The following CCDC80 variants were observed in gnomAD, a reference collection of about 807,000 sequenced individuals.
The protein encoded by CCDC80 is coiled-coil domain containing 80.
CCDC80 carries 49 observed loss-of-function variants against 78.7 expected under a neutral mutation model. The observed-to-expected ratio is 0.62, with a 90% CI of 0.50 to 0.79. The LOEUF (loss-of-function observed/expected upper bound fraction) is 0.79. Among genes scored for constraint, CCDC80 ranks in the 30% least tolerant of loss-of-function variants. CCDC80 has a pLI of 0.00. For synonymous variants in CCDC80, 488 were observed against 447.0 expected, an observed-to-expected ratio of 1.09 and a Z score of -1.16; for missense variants, 1,205 against 1,198.6, an observed-to-expected ratio of 1.01 and a Z score of -0.08.
intron 4 of CCDC80, among the ~76,000 whole-genome samples, chr3:112,617,390 G>A (rs1385515114): frequency 6.6e-6 from 1 of 152,198 alleles, no homozygotes; most frequent in Admixed American, 6.5e-5. Context: ...CCAACTTAAA[G>A]ACAATGAAAT....
Position 112,638,905 on chromosome 3 carries a change from A to G in CCDC80, c.1001T>C (p.Leu334Pro), listed in dbSNP as rs1376493388. 3 of 1,613,128 alleles carry G rather than the reference A, an allele frequency of 1.9e-6. No homozygotes were observed. Among genetic ancestry groups the G allele is most frequent in the Non-Finnish European group, 1.7e-6 (2 of 1,179,864 alleles). ...GGGCAAAGCTGGTGCAGTGGCGGCC[A>G]GTTTTCTCAGGACCTTCACCCGACT... ...RESRVKVLRK[L>P]AATAPALPQP... The change falls in exon 2 of 8, where the codon CTG (leucine) becomes CCG (proline). Residue 334 changes from leucine (L) to proline (P), a missense_variant. Leu to Pro is a moderately conservative substitution (Grantham distance 98). Coordinates refer to ENST00000206423, the MANE Select transcript of CCDC80 (RefSeq NM_199511.3).
At chr3:112,627,932 A>C (rs1423407417) in intron 3 of CCDC80, among the ~76,000 whole-genome samples, 1 of 152,072 alleles carries the variant, frequency 6.6e-6, no homozygotes, top group East Asian at 1.9e-4. Context: ...TCTAGAAAAC[A>C]GTAGGATTAT....
At chr3:112,623,506 C>G (rs1414574344) in intron 3 of CCDC80, among the ~76,000 whole-genome samples, 1 of 152,148 alleles carries the variant, frequency 6.6e-6, no homozygotes, top group Non-Finnish European at 1.5e-5. Flanking sequence ...AAGTACGATC[C>G]ACTATCCACC....
chr3:112,617,451 G>A (rs1476406311), intron 4 of CCDC80, among the ~76,000 whole-genome samples: 1 of 152,232 alleles, frequency 6.6e-6, no homozygotes, highest in Non-Finnish European at 1.5e-5. Context: ...ACCTGAGATG[G>A]ATTTAGGGGC....
intron 2 of CCDC80, among the ~76,000 whole-genome samples, chr3:112,635,013 T>C (rs1258965032): frequency 6.6e-6 from 1 of 152,192 alleles, no homozygotes; most frequent in Non-Finnish European, 1.5e-5. Flanking sequence ...TGTGCCCTTC[T>C]TCGTCAACAG....
rs763912669 is a variant in CCDC80 at position 112,637,285 on chromosome 3, G to A, written c.1878+743C>T. 7.6e-4 allele frequency among the ~76,000 whole-genome samples: 115 copies of A among 152,166 alleles called. 3 individuals carry two copies. Among genetic ancestry groups the A allele is most frequent in the Non-Finnish European group, 2.2e-4 (15 of 68,026 alleles). On this transcript the variant is annotated intron_variant, in intron 2 of 7. Transcript: ENST00000206423. ...AATTCAGGTGTATCTCTAGAGTACCGGAAATTGAAGCAATTAACCCAGTTC... is the reference window on the plus strand; with the variant it reads ...AATTCAGGTGTATCTCTAGAGTACCAGAAATTGAAGCAATTAACCCAGTTC...
In CCDC80 at chr3:112,614,579, C is replaced by A. The variant is rs114395682; in HGVS notation, c.2321+2131G>T. On this transcript the variant is annotated intron_variant, in intron 5 of 7. Coordinates refer to ENST00000206423, the MANE Select transcript of CCDC80 (RefSeq NM_199511.3). ...CCTTTCTCAGTGGAGGCTGCCCCTA[C>A]GGCTGAGTTGATTTTAAGTCCTTAT... is the stretch of plus-strand genomic sequence containing the variant. Among the ~76,000 whole-genome samples the A allele has an allele frequency of 3.5e-3, 524 of 151,652 alleles. 7 individuals are homozygous for A. The highest frequency in any genetic ancestry group is 0.012 in the African/African-American group (481 of 41,376).
chr3:112,638,084 G>A lies in CCDC80; in HGVS notation c.1822C>T (p.Pro608Ser), dbSNP rs746347134. 3.1e-6 allele frequency: 5 copies of A among 1,613,340 alleles called. No individual in the cohort carries two copies. ...AGCAGGTCGGCCACTGACTTCTTGG[G>A]ACTCTGCGTGAAGTGTTTGTTGGTG... ...KPTNKHFTQS[P>S]KKSVADLLGS... The change falls in exon 2 of 8, where the codon CCC becomes TCC. Residue 608 changes from proline to serine, a missense_variant. Coordinates refer to ENST00000206423, the MANE Select transcript of CCDC80 (RefSeq NM_199511.3).
At chr3:112,633,396 C>T (rs1355416251) in intron 2 of CCDC80, among the ~76,000 whole-genome samples, 1 of 152,176 alleles carries the variant, frequency 6.6e-6, no homozygotes, top group African/African-American at 2.4e-5. Flanking sequence ...ATCACTTCCT[C>T]CTTTTAATTA....
Position 112,602,849 on chromosome 3 carries a change from T to G in CCDC80, c.*2568A>C, listed in dbSNP as rs1935398508. 6.6e-6 allele frequency: 1 copy of G among 151,982 alleles called. No individual in the cohort carries two copies. Among genetic ancestry groups the G allele is most frequent in the African/African-American group, 2.4e-5 (1 of 41,414 alleles). 9.4% of individuals were successfully genotyped at this position (151,982 alleles called of 1,614,324 possible). Reference sequence around the variant, plus strand: ...GCAGTAAGTTATCCAGAAGATCTAGTTAAGATAATTAATGAAAGTGGCTAC... The same window carrying G: ...GCAGTAAGTTATCCAGAAGATCTAGGTAAGATAATTAATGAAAGTGGCTAC... On this transcript the variant is annotated 3_prime_UTR_variant, in exon 8 of 8. Coordinates refer to ENST00000206423, the MANE Select transcript of CCDC80 (RefSeq NM_199511.3).
Position 112,616,704 on chromosome 3 carries a change from A to T in CCDC80, c.2321+6T>A. The T allele has an allele frequency of 6.2e-7, 1 of 1,614,032 alleles. No individual in the cohort carries two copies. Among genetic ancestry groups the T allele is most frequent in the Non-Finnish European group, 8.5e-7 (1 of 1,179,940 alleles). ...TTCCTCTTTAGCGACTCCAAAGGTG[A>T]TGTACCTGGATAGGAAGTTCTCCAG... On this transcript the variant is annotated splice_donor_region_variant and intron_variant, in intron 5 of 7. Coordinates refer to ENST00000206423, the MANE Select transcript of CCDC80 (RefSeq NM_199511.3).
rs1936133071 is a variant in CCDC80 at position 112,633,217 on chromosome 3, C to T, written c.1879-2948G>A. On this transcript the variant is annotated intron_variant, in intron 2 of 7. Transcript: ENST00000206423. Reference sequence around the variant, plus strand: ...TTATTCTTAATAAATAAATATGTGTCCCCCAAGCACATACAGGTATGTCAC... The same window carrying T: ...TTATTCTTAATAAATAAATATGTGTTCCCCAAGCACATACAGGTATGTCAC... Among the ~76,000 whole-genome samples the T allele has an allele frequency of 1.3e-5, 2 of 152,044 alleles. 1 individual carries two copies. Among genetic ancestry groups the T allele is most frequent in the South Asian group, 4.1e-4 (2 of 4,828 alleles).
At chr3:112,630,077 G>C in intron 3 of CCDC80, 36 bp downstream of exon 3, 1 of 1,597,312 alleles carries the variant, frequency 6.3e-7, no homozygotes, top group Non-Finnish European at 8.6e-7. Flanking sequence ...TTAGATATGA[G>C]AAAAACAATA....
chr3:112,608,944 A>C (rs915674004), intron 6 of CCDC80, among the ~76,000 whole-genome samples: 4 of 152,122 alleles, frequency 2.6e-5, no homozygotes, highest in African/African-American at 7.2e-5. Flanking sequence ...TACAAAACTT[A>C]CCCTCCTCCC....
intron 7 of CCDC80, among the ~76,000 whole-genome samples, chr3:112,606,502 C>A (rs1025215109): frequency 6.6e-6 from 1 of 151,348 alleles, no homozygotes; most frequent in African/African-American, 2.4e-5. Flanking sequence ...CTCGGCTCAC[C>A]GCAATCTCCA....
At chr3:112,613,416 C>T (rs1176041771) in intron 5 of CCDC80, among the ~76,000 whole-genome samples, 1 of 152,010 alleles carries the variant, frequency 6.6e-6, no homozygotes, top group East Asian at 1.9e-4. Flanking sequence ...AAAACTCTTA[C>T]ATTAGGTGGA....
rs1935346153 is a variant in CCDC80 at position 112,599,959 on chromosome 3, A to G, written c.*5458T>C. On this transcript the variant is annotated 3_prime_UTR_variant, in exon 8 of 8. Transcript: ENST00000206423. ...CTACAGAATGCTTTTCTTTTTAAAT[A>G]CCATAATCCCATAATCTTTCTCAAA... 6 of 152,328 alleles carry G rather than the reference A, an allele frequency of 3.9e-5. 1 individual carries two copies. The South Asian group carries it at 1.2e-3, about 32-fold the overall frequency. The allele number at this position is 152,328 out of a possible 1,614,324, so 9.4% of individuals were successfully genotyped here.
At chr3:112,610,292 G>T (rs1330352586) in intron 5 of CCDC80, 3 of 561,880 alleles carry the variant, frequency 5.3e-6, no homozygotes, top group East Asian at 6.3e-5. Context: ...CAGTCTTTCT[G>T]CTTTGGCATT....
intron 6 of CCDC80, among the ~76,000 whole-genome samples, chr3:112,608,591 A>G (rs113615951): frequency 1.3e-5 from 2 of 152,206 alleles, no homozygotes; most frequent in South Asian, 2.1e-4. Context: ...CTACAAAAGC[A>G]TCTTTGGAAA....
Sources: gnomAD v4.1 joint callset for allele counts (sites outside exome capture counted in the v4.1 genomes callset) on GRCh38, gnomAD v4.1.1 for gene constraint, MANE v1.5 for transcripts, NCBI Gene and HGNC (gene_info 2026-07-23, HGNC 2026-07-21) for gene names.